PAX2: variants seen among roughly 807,000 people sequenced by gnomAD.
The protein encoded by PAX2 is paired box protein Pax-2.
In PAX2, 9 loss-of-function variants were observed where a neutral mutation model predicts 41.7. The observed-to-expected ratio is 0.22, with a 90% CI of 0.13 to 0.38. The LOEUF (loss-of-function observed/expected upper bound fraction) is 0.38. Among genes scored for constraint, PAX2 ranks in the 10% least tolerant of loss-of-function variants. PAX2 has a pLI of 1.00. For synonymous variants in PAX2, 221 were observed against 212.7 expected (o/e 1.04, Z -0.34); for missense variants, 418 against 531.6 (o/e 0.79, Z 2.10).
At chr10:100,804,597 A>C (rs932568285) in intron 5 of PAX2, among the ~76,000 whole-genome samples, 23 of 152,228 alleles carry the variant, frequency 1.5e-4, no homozygotes, top group African/African-American at 5.3e-4. Context: ...AAGTAGGCAC[A>C]GGAGAAACGG....
intron 3 of PAX2, among the ~76,000 whole-genome samples, chr10:100,753,621 T>A (rs1162316320): frequency 1.3e-5 from 2 of 152,134 alleles, no homozygotes; most frequent in African/African-American, 4.8e-5. Flanking sequence ...TTATAACAGT[T>A]ATGAGTAAGG....
At chr10:100,807,236 C>T (rs1251114993) in intron 6 of PAX2, among the ~76,000 whole-genome samples, 1 of 152,132 alleles carries the variant, frequency 6.6e-6, no homozygotes, top group Non-Finnish European at 1.5e-5. Flanking sequence ...AAACCATCTC[C>T]GAACTTTTCT....
intron 1 of PAX2, chr10:100,749,421 T>G (rs1845347726): frequency 8.5e-7 from 1 of 1,177,978 alleles, no homozygotes; most frequent in East Asian, 4.1e-5. Flanking sequence ...CCCTTTCCGC[T>G]GGCATGAATT....
chr10:100,792,461 C>G (rs1847161528), intron 5 of PAX2, among the ~76,000 whole-genome samples: 2 of 152,244 alleles, frequency 1.3e-5, no homozygotes, highest in African/African-American at 4.8e-5. Flanking sequence ...TGGGGACAGA[C>G]AGTGAGAAGT....
In PAX2 at chr10:100,827,603, C is replaced by T. The variant is rs747874761; in HGVS notation, c.1169C>T (p.Ala390Val). The change falls in exon 10 of 10, where the codon GCC (alanine) becomes GTC (valine). Residue 390 changes from alanine (A) to valine (V), a missense_variant. Coordinates refer to ENST00000355243, the MANE Select transcript of PAX2 (RefSeq NM_000278.5). The surrounding 1 kb of genome is among the most constrained non-coding windows in gnomAD (Gnocchi z 8.5). ...RGSAPAAAAA[A>V]YDRH ...TCCGCCCCTGCCGCTGCTGCCGCTG[C>T]CTATGACCGCCACTAGTTACCGCGG... 2 of 1,613,796 alleles carry T rather than the reference C, an allele frequency of 1.2e-6. No homozygotes were observed. Among genetic ancestry groups the T allele is most frequent in the Non-Finnish European group, 1.7e-6 (2 of 1,179,836 alleles).
chr10:100,827,870 T>G lies in PAX2; in HGVS notation c.*251T>G. 2.1e-6 allele frequency: 1 copy of G among 477,214 alleles called. No individual in the cohort carries two copies. Among genetic ancestry groups the G allele is most frequent in the Non-Finnish European group, 3.6e-6 (1 of 275,108 alleles). The allele number at this position is 477,214 out of a possible 1,614,324, so 29.6% of individuals were successfully genotyped here. On this transcript the variant is annotated 3_prime_UTR_variant, in exon 10 of 10. Transcript: ENST00000355243. The surrounding 1 kb of genome is among the most constrained non-coding windows in gnomAD (Gnocchi z 8.5). ...CGCCCCCAGCCCCGCCTGCCGCCCC[T>G]CCCCGCCTGCCTGGACTGCGCGGCG...
intron 3 of PAX2, among the ~76,000 whole-genome samples, chr10:100,760,642 T>G (rs1183773994): frequency 1.3e-5 from 2 of 152,254 alleles, no homozygotes; most frequent in South Asian, 4.1e-4. Context: ...GAGCATGTAT[T>G]TAGGTAGAGA....
chr10:100,804,184 T>G (rs1488329390), intron 5 of PAX2, among the ~76,000 whole-genome samples: 7 of 151,948 alleles, frequency 4.6e-5, no homozygotes, highest in African/African-American at 1.7e-4. Context: ...GTGACAGATT[T>G]GTCAAGATCT....
intron 3 of PAX2, among the ~76,000 whole-genome samples, chr10:100,759,229 A>C (rs1845751044): frequency 6.6e-6 from 1 of 151,956 alleles, no homozygotes; most frequent in Non-Finnish European, 1.5e-5. Flanking sequence ...GGCCCTGAGG[A>C]GGGGCCCAGA....
chr10:100,817,870 G>A (rs1177195072), intron 7 of PAX2, among the ~76,000 whole-genome samples: 1 of 152,212 alleles, frequency 6.6e-6, no homozygotes, highest in Admixed American at 6.5e-5. Context: ...AAAACATCTT[G>A]TGTGGATTTA....
At chr10:100,756,084 G>C (rs1022450158) in intron 3 of PAX2, among the ~76,000 whole-genome samples, 3 of 152,184 alleles carry the variant, frequency 2.0e-5, no homozygotes, top group Non-Finnish European at 4.4e-5. Flanking sequence ...GTGTGACTAT[G>C]CATGATGGCA....
chr10:100,756,780 C>T (rs1845652508), intron 3 of PAX2, among the ~76,000 whole-genome samples: 1 of 152,214 alleles, frequency 6.6e-6, no homozygotes, highest in Non-Finnish European at 1.5e-5. Context: ...TGCATCCCTG[C>T]TGTTTCTTCT....
rs1180145554 is a variant in PAX2, at chr10:100,826,806, C to T, written c.1022-203C>T. Among the ~76,000 whole-genome samples, 5 of 152,212 alleles carry T rather than the reference C, an allele frequency of 3.3e-5. No homozygotes were observed. The highest frequency in any genetic ancestry group is 1.2e-4 in the African/African-American group (5 of 41,468). ...CCGTGGGTGTGCGAGCGCGTCGGTG[C>T]CTCCCGCCTCCCCGGGCTCTCTCCA... is the stretch of plus-strand genomic sequence containing the variant. On this transcript the variant is annotated intron_variant, in intron 8 of 9. Coordinates refer to ENST00000355243, the MANE Select transcript of PAX2 (RefSeq NM_000278.5). The surrounding 1 kb of genome is among the most constrained non-coding windows in gnomAD (Gnocchi z 5.5).
intron 3 of PAX2, among the ~76,000 whole-genome samples, chr10:100,756,231 G>A (rs1490023970): frequency 6.6e-6 from 1 of 151,974 alleles, no homozygotes; most frequent in Non-Finnish European, 1.5e-5. Flanking sequence ...CATGGGATAG[G>A]GGTCCTGCTT....
In PAX2 at chr10:100,749,730, TC is replaced by T. The variant is rs1408366272; in HGVS notation, c.44-15del. On this transcript the variant is annotated splice_polypyrimidine_tract_variant and intron_variant, in intron 1 of 9. Coordinates refer to ENST00000355243, the MANE Select transcript of PAX2 (RefSeq NM_000278.5). ...CTGTGTGTGGGGTGTTGTGTTTTTT[TC>T]TTGTCTCTCCCCAGCAGGGCACGGG... 2.5e-6 allele frequency: 4 copies of T among 1,605,396 alleles called. No homozygotes were observed. The highest frequency in any genetic ancestry group is 3.4e-6 in the Non-Finnish European group (4 of 1,174,204).
intron 1 of PAX2, chr10:100,747,938 T>C (rs528605607): frequency 2.4e-4 from 237 of 970,768 alleles, no homozygotes; most frequent in Middle Eastern, 5.3e-4. Flanking sequence ...GGGCAGCCAC[T>C]TTGAAACCCA....
intron 7 of PAX2, among the ~76,000 whole-genome samples, chr10:100,813,879 C>A (rs2133965098): frequency 6.6e-6 from 1 of 152,200 alleles, no homozygotes; most frequent in East Asian, 1.9e-4. Context: ...GAAGAAAAAA[C>A]CCCACCACTA....
chr10:100,772,150 C>A (rs895580587), intron 3 of PAX2, among the ~76,000 whole-genome samples: 8 of 152,060 alleles, frequency 5.3e-5, no homozygotes, highest in African/African-American at 1.4e-4. Flanking sequence ...GACAGAGTCT[C>A]ACTCTGCAGC....
At chr10:100,739,992 C>T (rs961000071) in intron 1 of PAX2, among the ~76,000 whole-genome samples, 1 of 152,230 alleles carries the variant, frequency 6.6e-6, no homozygotes, top group Non-Finnish European at 1.5e-5. Flanking sequence ...TCTCAGTTCC[C>T]TCGGCAACTC....
Sources: gnomAD v4.1 joint callset for allele counts (sites outside exome capture counted in the v4.1 genomes callset) on GRCh38, gnomAD v4.1.1 for gene constraint, Gnocchi (gnomAD v3.1) non-coding constraint, MANE v1.5 for transcripts, NCBI Gene and HGNC (gene_info 2026-07-23, HGNC 2026-07-21) for gene names.